Variants in DNAH11 observed in about 807,000 individuals in gnomAD.
The protein encoded by DNAH11 is dynein axonemal heavy chain 11, also known as axonemal beta dynein heavy chain 11.
A neutral mutation model predicts 526.0 loss-of-function variants in DNAH11; 442 were observed. The ratio of observed to expected loss-of-function variants is 0.84; its 90% CI spans 0.78 to 0.91. The LOEUF is 0.91. Ranked by LOEUF, DNAH11 falls within the 40% of genes least tolerant of loss-of-function variation. DNAH11 has a pLI of 0.00. For missense variants in DNAH11, 6,989 were observed against 5,448.7 expected (o/e 1.28, Z -8.90); for synonymous variants, 2,461 against 1,935.9 (o/e 1.27, Z -7.12).
Position 21,744,507 on chromosome 7 carries a change from T to A in DNAH11, c.8224T>A (p.Ser2742Thr). The A allele has an allele frequency of 5.6e-6, 9 of 1,613,954 alleles. No homozygotes were observed. Among genetic ancestry groups the A allele is most frequent in the Non-Finnish European group, 7.6e-6 (9 of 1,179,834 alleles). The change falls in exon 50 of 82, where the codon TCT (serine) becomes ACT (threonine). Residue 2742 changes from serine to threonine, a missense_variant. Transcript: ENST00000409508. Reference sequence around the variant, plus strand: ...TTTAATACATCTGTGGCTTCATGAATCTGCCCGTGTTTATGGAGACAAACT... The same window carrying A: ...TTTAATACATCTGTGGCTTCATGAAACTGCCCGTGTTTATGGAGACAAACT... The part of the protein sequence containing the change: ...LDLIHLWLHE[S>T]ARVYGDKLID...
intron 74 of DNAH11, among the ~76,000 whole-genome samples, chr7:21,875,937 G>A (rs1783692345): frequency 7.3e-6 from 1 of 137,660 alleles, no homozygotes; most frequent in South Asian, 2.3e-4. Context: ...AGGCTGGAGT[G>A]CAGTGGTACG....
At chr7:21,578,698 A>T (rs1261983929) in intron 8 of DNAH11, among the ~76,000 whole-genome samples, 1 of 152,200 alleles carries the variant, frequency 6.6e-6, no homozygotes, top group East Asian at 1.9e-4. Context: ...ACTTCTGCCT[A>T]GACATCCAGG....
intron 65 of DNAH11, among the ~76,000 whole-genome samples, chr7:21,839,006 T>G (rs1782103106): frequency 6.6e-6 from 1 of 152,210 alleles, no homozygotes; most frequent in South Asian, 2.1e-4. Context: ...CACTTGTTAC[T>G]GTCTTTGCTT....
intron 37 of DNAH11, chr7:21,703,345 G>C (rs893869057): frequency 6.4e-6 from 1 of 156,668 alleles, no homozygotes; most frequent in Non-Finnish European, 1.4e-5. Context: ...CTTAAGTAGC[G>C]AGAGCAATGG....
intron 65 of DNAH11, among the ~76,000 whole-genome samples, chr7:21,834,970 G>T (rs977696674): frequency 3.3e-5 from 5 of 152,066 alleles, no homozygotes; most frequent in Admixed American, 1.3e-4. Flanking sequence ...AGTAATAACA[G>T]ACTATTATGA....
At chr7:21,702,851 C>G (rs755712264) in intron 37 of DNAH11, 49 bp downstream of exon 37, 22 of 1,507,046 alleles carry the variant, frequency 1.5e-5, no homozygotes, top group Non-Finnish European at 2.0e-5. Context: ...TGGCCTGCTT[C>G]ACAGACATGA....
At chr7:21,694,504 C>A (rs1210964515) in intron 35 of DNAH11, among the ~76,000 whole-genome samples, 1 of 152,162 alleles carries the variant, frequency 6.6e-6, no homozygotes, top group Non-Finnish European at 1.5e-5. Flanking sequence ...CCAGCTTCAT[C>A]CATGTCCCTG....
At chr7:21,848,333 C>T (rs1443477705) in intron 66 of DNAH11, among the ~76,000 whole-genome samples, 2 of 89,358 alleles carry the variant, frequency 2.2e-5, no homozygotes, top group Middle Eastern at 6.9e-3. Context: ...TATCTTTCTC[C>T]ATCTCTCTCT....
At chr7:21,550,513 G>A (rs1003579138) in intron 2 of DNAH11, among the ~76,000 whole-genome samples, 1 of 152,118 alleles carries the variant, frequency 6.6e-6, no homozygotes, top group Non-Finnish European at 1.5e-5. Flanking sequence ...TTTTCTTGGG[G>A]CTGTTCTAAT....
rs539472421 is a variant in DNAH11, at chr7:21,704,693, T to C, written c.6468+65T>C. On this transcript the variant is annotated intron_variant, in intron 38 of 81. Coordinates refer to ENST00000409508, the MANE Select transcript of DNAH11 (RefSeq NM_001277115.2). ...TGTCAGTGGAAATAATTGTGGCTAATTGATACTAAAGCAAGATGTTAACTT... is the reference window on the plus strand; with the variant it reads ...TGTCAGTGGAAATAATTGTGGCTAACTGATACTAAAGCAAGATGTTAACTT... 149 of 1,538,574 alleles carry C rather than the reference T, an allele frequency of 9.7e-5. No individual in the cohort carries two copies. In the Middle Eastern group the frequency reaches 2.4e-3, roughly 24 times the overall value.
chr7:21,880,782 T>A lies in DNAH11; in HGVS notation c.12276T>A (p.Ala4092=), dbSNP rs1186849788. 1 of 1,613,904 alleles carries A rather than the reference T, an allele frequency of 6.2e-7. No homozygotes were observed. Among genetic ancestry groups the A allele is most frequent in the Non-Finnish European group, 8.5e-7 (1 of 1,179,916 alleles). The change falls in exon 75 of 82, where the codon GCT becomes GCA. Residue 4092 remains alanine, a synonymous_variant. Transcript: ENST00000409508. ...TCTGCTACTTCCACGCCTGTGTTGC[T>A]GGGAGACTGAGGTTTGGCCCCCAGG... The part of the protein sequence containing the change: ...FSLCYFHACV[A]GRLRFGPQGW...
At chr7:21,716,487 G>A (rs998779723) in intron 42 of DNAH11, among the ~76,000 whole-genome samples, 1 of 152,110 alleles carries the variant, frequency 6.6e-6, no homozygotes, top group African/African-American at 2.4e-5. Flanking sequence ...ACTTGCCCAA[G>A]GTAACACATT....
Position 21,711,192 on chromosome 7 carries a change from A to G in DNAH11, c.6834+489A>G, listed in dbSNP as rs17150374. On this transcript the variant is annotated intron_variant, in intron 41 of 81. Coordinates refer to ENST00000409508, the MANE Select transcript of DNAH11 (RefSeq NM_001277115.2). The stretch of plus-strand genomic sequence containing the variant: ...TGACGGTACAGGTCTGTGAGATATC[A>G]GTCAAGCAACACAGGGTCTGTTGTT... Among the ~76,000 whole-genome samples, 1,333 of 152,302 alleles carry G rather than the reference A, an allele frequency of 8.8e-3. 122 individuals carry two copies. In the East Asian group the frequency reaches 0.21, roughly 24 times the overall value.
intron 45 of DNAH11, among the ~76,000 whole-genome samples, chr7:21,734,907 C>G (rs976005047): frequency 1.3e-5 from 2 of 151,616 alleles, no homozygotes; most frequent in Admixed American, 6.6e-5. Context: ...TGCAGTGGCT[C>G]AAGCCTGTAA....
At chr7:21,675,321 G>A (rs968616241) in intron 30 of DNAH11, among the ~76,000 whole-genome samples, 5 of 152,106 alleles carry the variant, frequency 3.3e-5, no homozygotes, top group African/African-American at 4.8e-5. Flanking sequence ...AGAGCCACCC[G>A]ATCCATTCAG....
At chr7:21,579,430 G>T (rs561082919) in intron 8 of DNAH11, among the ~76,000 whole-genome samples, 1 of 152,182 alleles carries the variant, frequency 6.6e-6, no homozygotes, top group Non-Finnish European at 1.5e-5. Context: ...TGGGTGCCCG[G>T]TGCTGGAGTA....
chr7:21,800,170 C>G (rs1332321025), intron 61 of DNAH11, among the ~76,000 whole-genome samples: 1 of 152,174 alleles, frequency 6.6e-6, no homozygotes, highest in Non-Finnish European at 1.5e-5. Context: ...TCTTTTACAT[C>G]CCTTTCGTCC....
At chr7:21,717,989 C>G (rs1784729149) in intron 43 of DNAH11, 64 bp downstream of exon 43, 1 of 1,529,548 alleles carries the variant, frequency 6.5e-7, no homozygotes, top group South Asian at 1.3e-5. Flanking sequence ...TTGATCAAGA[C>G]AACAGAAGAT....
At chr7:21,635,781 C>A (rs987984150) in intron 25 of DNAH11, 90 bp from the exon 26 acceptor site, 10 of 1,076,332 alleles carry the variant, frequency 9.3e-6, no homozygotes, top group Non-Finnish European at 1.2e-5. Context: ...AAGAATCCAG[C>A]AATAAACAGA....
Sources: gnomAD v4.1 joint callset for allele counts (sites outside exome capture counted in the v4.1 genomes callset) on GRCh38, gnomAD v4.1.1 for gene constraint, MANE v1.5 for transcripts, NCBI Gene and HGNC (gene_info 2026-07-23, HGNC 2026-07-21) for gene names.